The following TAS2R1 variants were observed in gnomAD, a reference collection of about 807,000 sequenced individuals.
The protein encoded by TAS2R1 is taste 2 receptor member 1, also known as taste receptor type 2 member 1.
For missense variants in TAS2R1, 370 were observed against 353.4 expected (o/e 1.05, Z -0.38); for synonymous variants, 141 against 134.2 (o/e 1.05, Z -0.35).
chr5:9,861,052 T>C, the TAS2R1 span, among the ~76,000 whole-genome samples: 1 of 148,402 alleles, frequency 6.7e-6, no homozygotes, highest in African/African-American at 2.5e-5. Context: ...TTTTTTTTTT[T>C]GCTATTGCAT....
the TAS2R1 span, among the ~76,000 whole-genome samples, chr5:9,851,894 G>C: frequency 1.8e-3 from 274 of 152,294 alleles, no homozygotes; most frequent in African/African-American, 6.4e-3. Context: ...TCTGTTTATT[G>C]TCTGCCTTTT....
the TAS2R1 span, among the ~76,000 whole-genome samples, chr5:9,858,046 G>A: frequency 6.6e-6 from 1 of 152,036 alleles, no homozygotes; most frequent in Non-Finnish European, 1.5e-5. Context: ...GCTGGGGGTG[G>A]TCTGGAGCCT....
chr5:9,871,654 A>G, the TAS2R1 span, among the ~76,000 whole-genome samples: 63,874 of 152,010 alleles, frequency 0.42, 15,329 homozygotes, highest in African/African-American at 0.66. Flanking sequence ...CTCTTCATGC[A>G]TAAAAAGGTG....
the TAS2R1 span, among the ~76,000 whole-genome samples, chr5:9,795,668 T>A: frequency 6.6e-6 from 1 of 152,136 alleles, no homozygotes; most frequent in Admixed American, 6.5e-5. Context: ...CAGGCTCAAG[T>A]GCTGAAGAAG....
chr5:9,859,089 C>T, the TAS2R1 span, among the ~76,000 whole-genome samples: 1 of 152,162 alleles, frequency 6.6e-6, no homozygotes, highest in African/African-American at 2.4e-5. Flanking sequence ...TAATTCCCTC[C>T]CAGCTCAAGA....
At chr5:9,755,368 G>GC in the TAS2R1 span, among the ~76,000 whole-genome samples, 1 of 152,104 alleles carries the variant, frequency 6.6e-6, no homozygotes, top group Non-Finnish European at 1.5e-5. Context: ...CAGGTGGATT[G>GC]CCTGAGCTCA....
At chr5:9,903,757 G>C in the TAS2R1 span, 5 of 152,308 alleles carry the variant, frequency 3.3e-5, no homozygotes, top group South Asian at 1.0e-3. Flanking sequence ...AGTGGACTCT[G>C]CAAGGGTCAT....
chr5:9,864,457 A>G, the TAS2R1 span, among the ~76,000 whole-genome samples: 1 of 151,272 alleles, frequency 6.6e-6, no homozygotes, highest in African/African-American at 2.4e-5. Flanking sequence ...GTGAAACACC[A>G]TCTCTCTCAA....
chr5:9,780,480 A>C, the TAS2R1 span, among the ~76,000 whole-genome samples: 4 of 152,336 alleles, frequency 2.6e-5, no homozygotes, highest in African/African-American at 9.6e-5. Flanking sequence ...TGCTAATTCT[A>C]TAAGTGTCCT....
rs919815427 is a variant in TAS2R1, at chr5:9,627,713, G to A, written c.*1420C>T. On this transcript the variant is annotated 3_prime_UTR_variant, in exon 1 of 1. Coordinates refer to ENST00000382492, the MANE Select transcript of TAS2R1 (RefSeq NM_019599.3). Reference sequence around the variant, plus strand: ...TTCCCACAGCTGGCTTCCTGAGTGCGTGATTAGCTACAAACCTTCCTACCT... The same window carrying A: ...TTCCCACAGCTGGCTTCCTGAGTGCATGATTAGCTACAAACCTTCCTACCT... Among the ~76,000 whole-genome samples the A allele has an allele frequency of 2.0e-5, 3 of 152,194 alleles. No individual in the cohort carries two copies. The highest frequency in any genetic ancestry group is 1.3e-4 in the Admixed American group (2 of 15,278).
chr5:9,683,533 C>G (rs144726497), intron 1 of TAS2R1, among the ~76,000 whole-genome samples: 26 of 152,268 alleles, frequency 1.7e-4, no homozygotes, highest in Admixed American at 1.5e-3. Flanking sequence ...AGGCTTGTTT[C>G]CCCTGGTCCT....
the TAS2R1 span, among the ~76,000 whole-genome samples, chr5:9,872,799 A>G: frequency 2.6e-5 from 4 of 152,252 alleles, no homozygotes; most frequent in Non-Finnish European, 5.9e-5. Context: ...CAGGCAAAAG[A>G]TAATAACCAT....
At chr5:9,831,586 T>C in the TAS2R1 span, among the ~76,000 whole-genome samples, 1 of 151,536 alleles carries the variant, frequency 6.6e-6, no homozygotes, top group South Asian at 2.1e-4. Context: ...GTGCAAACTT[T>C]TGGCAATTTT....
At chr5:9,806,666 C>T in the TAS2R1 span, among the ~76,000 whole-genome samples, 1 of 151,986 alleles carries the variant, frequency 6.6e-6, no homozygotes, top group African/African-American at 2.4e-5. Flanking sequence ...CCCTATTCAA[C>T]AAATGGTGCT....
chr5:9,701,830 A>G (rs957527879), intron 1 of TAS2R1, among the ~76,000 whole-genome samples: 2 of 152,206 alleles, frequency 1.3e-5, no homozygotes, highest in African/African-American at 4.8e-5. Context: ...TTGCAGTCAT[A>G]TTGTTACCAT....
At chr5:9,767,212 C>T in the TAS2R1 span, among the ~76,000 whole-genome samples, 12 of 151,896 alleles carry the variant, frequency 7.9e-5, no homozygotes, top group African/African-American at 2.2e-4. Context: ...TGCCCTCCCC[C>T]GCAATCCCAC....
At chr5:9,642,509 A>C (rs572029740) in intron 2 of TAS2R1, among the ~76,000 whole-genome samples, 1 of 152,318 alleles carries the variant, frequency 6.6e-6, no homozygotes, top group South Asian at 2.1e-4. Flanking sequence ...AAAAAGCACC[A>C]GATTCTTTCA....
At chr5:9,802,170 T>G in the TAS2R1 span, among the ~76,000 whole-genome samples, 1 of 152,098 alleles carries the variant, frequency 6.6e-6, no homozygotes, top group Non-Finnish European at 1.5e-5. Flanking sequence ...CCTCACAAAG[T>G]CTACTTTACT....
rs543143540 is a variant in TAS2R1 at position 9,628,541 on chromosome 5, G to A, written c.*592C>T. Among the ~76,000 whole-genome samples, 5 of 152,282 alleles carry A rather than the reference G, an allele frequency of 3.3e-5. No homozygotes were observed. In the South Asian group the frequency reaches 1.0e-3, roughly 32 times the overall value. The stretch of plus-strand genomic sequence containing the variant: ...AGTAGGAGAATATGCTTATAAGGAT[G>A]GAGAAGGCCTGCTTGTCCTTGCTTC... On this transcript the variant is annotated 3_prime_UTR_variant, in exon 1 of 1. Transcript: ENST00000382492.
Sources: allele counts gnomAD v4.1 joint callset (sites outside exome capture counted in the v4.1 genomes callset), GRCh38; gene constraint gnomAD v4.1.1; transcripts MANE v1.5; gene names NCBI Gene and HGNC (gene_info 2026-07-23, HGNC 2026-07-21).